CSMD3: variants seen among roughly 807,000 people sequenced by gnomAD.
The protein encoded by CSMD3 is CUB and sushi domain-containing protein 3.
A neutral mutation model predicts 435.2 loss-of-function variants in CSMD3; 177 were observed. The ratio of observed to expected loss-of-function variants is 0.41; its 90% confidence interval spans 0.36 to 0.46. The LOEUF is 0.46. Among genes scored for constraint, CSMD3 ranks in the 20% least tolerant of loss-of-function variants. The pLI, the probability that CSMD3 is intolerant of heterozygous loss-of-function variation, is 0.34. For missense variants in CSMD3, 4,265 were observed against 4,504.6 expected (o/e 0.95, Z 1.52); for synonymous variants, 1,656 against 1,520.5 (o/e 1.09, Z -2.07).
intron 32 of CSMD3, among the ~76,000 whole-genome samples, chr8:112,419,593 G>A (rs1425734686): frequency 6.6e-6 from 1 of 152,000 alleles, no homozygotes; most frequent in Non-Finnish European, 1.5e-5. Context: ...CCATAAACTA[G>A]GTTTGCTGAC....
At chr8:112,577,646 T>C (rs1830045979) in intron 23 of CSMD3, among the ~76,000 whole-genome samples, 1 of 152,082 alleles carries the variant, frequency 6.6e-6, no homozygotes, top group Non-Finnish European at 1.5e-5. Flanking sequence ...AGGTTGCAAT[T>C]GTCTGATTAC....
At chr8:112,380,309 C>T (rs182031576) in intron 38 of CSMD3, 43 bp downstream of exon 38, 1 of 1,050,308 alleles carries the variant, frequency 9.5e-7, no homozygotes, top group Non-Finnish European at 1.5e-6. Flanking sequence ...TTAATATAAA[C>T]TTGTTCTTAA....
intron 23 of CSMD3, among the ~76,000 whole-genome samples, chr8:112,574,376 G>A (rs1326140687): frequency 3.3e-5 from 5 of 151,802 alleles, no homozygotes; most frequent in Admixed American, 1.3e-4. Flanking sequence ...TACCGTTCCC[G>A]TATTAATGAA....
At position 112,587,243 on chromosome 8, in the gene CSMD3, T is replaced by TA. The variant is rs745749311; in HGVS notation, c.3716-9dup. On this transcript the variant is annotated splice_polypyrimidine_tract_variant and intron_variant, in intron 22 of 70. Transcript: ENST00000297405. Reference sequence around the variant, plus strand: ...CAGATGCACCACATTCAGCTGCAGGTAAAACAGAATATTGAAGTACAGTTT... The same window carrying TA: ...CAGATGCACCACATTCAGCTGCAGGTAAAAACAGAATATTGAAGTACAGTTT... 6.9e-6 allele frequency: 11 copies of TA among 1,600,022 alleles called. No individual in the cohort carries two copies. The African/African-American group carries it at 1.1e-4, about 16-fold the overall frequency.
intron 22 of CSMD3, among the ~76,000 whole-genome samples, chr8:112,628,276 C>T (rs796931857): frequency 2.6e-5 from 4 of 152,194 alleles, no homozygotes; most frequent in African/African-American, 9.6e-5. Context: ...TATACAGGTA[C>T]AGAATTCATC....
intron 4 of CSMD3, among the ~76,000 whole-genome samples, chr8:113,153,155 GAAGGAAGGAAGGAAGGAAAGA>G: frequency 7.4e-6 from 1 of 135,850 alleles, no homozygotes; most frequent in East Asian, 2.1e-4. Context: ...AGGAAGGAAG[GAAGGAAGGAAGGAAGGAAAGA>G]AGGAAGGGAG....
At chr8:113,342,887 A>T (rs568900447) in intron 1 of CSMD3, among the ~76,000 whole-genome samples, 1 of 151,992 alleles carries the variant, frequency 6.6e-6, no homozygotes, top group South Asian at 2.1e-4. Flanking sequence ...ATGTCCAATG[A>T]TGAATCAACA....
chr8:113,289,705 G>A (rs2093672565), intron 2 of CSMD3, among the ~76,000 whole-genome samples: 1 of 151,460 alleles, frequency 6.6e-6, no homozygotes, highest in African/African-American at 2.4e-5. Context: ...AGAAAGTATT[G>A]CACACACTTT....
chr8:113,357,063 T>C lies in CSMD3; in HGVS notation c.179-42270A>G, dbSNP rs1351295811. Among the ~76,000 whole-genome samples the C allele has an allele frequency of 2.6e-5, 4 of 152,300 alleles. No individual in the cohort carries two copies. The East Asian group carries it at 7.7e-4, about 29-fold the overall frequency. On this transcript the variant is annotated intron_variant, in intron 1 of 70. Transcript: ENST00000297405. ...CAGAAATGAAAAAAATATATATACA[T>C]ACATATATTTATGTGTTTGTGTTGT...
intron 10 of CSMD3, among the ~76,000 whole-genome samples, chr8:112,913,552 C>CT (rs2082487293): frequency 6.6e-6 from 1 of 151,932 alleles, no homozygotes; most frequent in Non-Finnish European, 1.5e-5. Context: ...TATATACTAA[C>CT]TTTTAAAACT....
At chr8:112,928,498 T>G (rs2082985696) in intron 9 of CSMD3, among the ~76,000 whole-genome samples, 1 of 152,186 alleles carries the variant, frequency 6.6e-6, no homozygotes, top group Non-Finnish European at 1.5e-5. Flanking sequence ...CCATGTGATC[T>G]CACTGTTCAA....
chr8:112,383,315 T>C (rs1829643222), intron 37 of CSMD3, among the ~76,000 whole-genome samples: 1 of 152,070 alleles, frequency 6.6e-6, no homozygotes, highest in African/African-American at 2.4e-5. Context: ...CAGCTGAAAA[T>C]ATTACCAGTA....
chr8:113,204,385 T>C (rs569379661), intron 3 of CSMD3, among the ~76,000 whole-genome samples: 208 of 152,282 alleles, frequency 1.4e-3, no homozygotes, highest in Admixed American at 2.4e-3. Flanking sequence ...ATAAGGTACA[T>C]ATGTTTTCTA....
intron 32 of CSMD3, among the ~76,000 whole-genome samples, chr8:112,464,079 A>T (rs1817710421): frequency 6.6e-6 from 1 of 152,044 alleles, no homozygotes; most frequent in Admixed American, 6.6e-5. Flanking sequence ...TACTAAAAAT[A>T]CAAAAAAAAT....
intron 68 of CSMD3, among the ~76,000 whole-genome samples, chr8:112,232,939 G>A (rs1335594481): frequency 6.6e-6 from 1 of 152,140 alleles, no homozygotes; most frequent in African/African-American, 2.4e-5. Flanking sequence ...GCCTCAAGTA[G>A]TGCCTCCACA....
At chr8:112,940,398 T>C (rs1241716083) in intron 9 of CSMD3, among the ~76,000 whole-genome samples, 2 of 151,784 alleles carry the variant, frequency 1.3e-5, no homozygotes, top group African/African-American at 4.8e-5. Flanking sequence ...TTCCTTTATA[T>C]CTTCCTATTC....
At chr8:112,798,673 G>C (rs935708376) in intron 13 of CSMD3, among the ~76,000 whole-genome samples, 9 of 151,856 alleles carry the variant, frequency 5.9e-5, no homozygotes, top group African/African-American at 1.9e-4. Context: ...AATATCGATA[G>C]AACTCCCTGT....
At chr8:113,066,035 G>A (rs191808935) in intron 5 of CSMD3, among the ~76,000 whole-genome samples, 1 of 147,752 alleles carries the variant, frequency 6.8e-6, no homozygotes, top group African/African-American at 2.5e-5. Context: ...TGCATGCTCT[G>A]CTCAATTTTT....
intron 53 of CSMD3, 84 bp from the exon 54 acceptor site, chr8:112,296,090 C>G (rs1820238802): frequency 2.7e-6 from 3 of 1,101,884 alleles, no homozygotes; most frequent in Admixed American, 2.0e-5. Flanking sequence ...ATGAGCAAAC[C>G]TTTAAAGTTG....
Sources: allele counts gnomAD v4.1 joint callset (sites outside exome capture counted in the v4.1 genomes callset), GRCh38; gene constraint gnomAD v4.1.1; transcripts MANE v1.5; gene names NCBI Gene and HGNC (gene_info 2026-07-23, HGNC 2026-07-21).